The following BEGAIN variants were observed in gnomAD, a reference collection of about 807,000 sequenced individuals.
The protein encoded by BEGAIN is brain enriched guanylate kinase associated, also known as brain-enriched guanylate kinase-associated protein.
In BEGAIN, 19 loss-of-function variants were observed where a neutral mutation model predicts 35.8. The observed-to-expected ratio is 0.53, with a 90% CI of 0.37 to 0.78. The LOEUF is 0.78. BEGAIN is among the 30% of genes least tolerant of loss of function. BEGAIN has a pLI of 0.00. For synonymous variants in BEGAIN, 462 were observed against 388.6 expected (o/e 1.19, Z -2.22); for missense variants, 795 against 853.6 (o/e 0.93, Z 0.85).
chr14:100,554,111 G>A (rs1016514762), intron 2 of BEGAIN, among the ~76,000 whole-genome samples: 4 of 152,216 alleles, frequency 2.6e-5, no homozygotes, highest in African/African-American at 9.6e-5. Context: ...ACGGTCACAT[G>A]AGCTCCAGGG....
At chr14:100,549,542 G>T (rs1197779461) in intron 2 of BEGAIN, 1 of 152,306 alleles carries the variant, frequency 6.6e-6, no homozygotes, top group Non-Finnish European at 1.5e-5. Flanking sequence ...TGTACCTAGG[G>T]TCTGCGGTCA....
intron 1 of BEGAIN, among the ~76,000 whole-genome samples, chr14:100,572,683 C>T (rs1455461857): frequency 3.3e-5 from 5 of 152,142 alleles, no homozygotes; most frequent in African/African-American, 1.2e-4. Flanking sequence ...GGCTCTCAAC[C>T]TCTCTGACCC....
chr14:100,539,215 G>C lies in BEGAIN; in HGVS notation c.593C>G (p.Pro198Arg), dbSNP rs768598434. Residue 198 changes from proline (P) to arginine (R), a missense_variant, in exon 7 of 7, where the codon CCC becomes CGC. Pro to Arg is a moderately radical substitution (Grantham distance 103). Transcript: ENST00000554140. Reference protein sequence around the residue: ...LCHPAYADSVPTCVIAKVLEK... With the variant: ...LCHPAYADSVRTCVIAKVLEK... ...CAGCACCTTGGCAATGACGCAGGTG[G>C]GGACGCTGTCGGCGTAGGCCGGGTG... 1.9e-6 allele frequency: 3 copies of C among 1,587,020 alleles called. No individual in the cohort carries two copies. The highest frequency in any genetic ancestry group is 2.2e-5 in the East Asian group (1 of 44,550).
Position 100,538,794 on chromosome 14 carries a change from G to C in BEGAIN, c.1014C>G (p.Thr338=). 1.3e-6 allele frequency: 2 copies of C among 1,598,324 alleles called. No individual in the cohort carries two copies. The highest frequency in any genetic ancestry group is 2.3e-5 in the East Asian group (1 of 44,168). The change falls in exon 7 of 7, where the codon ACC becomes ACG. Residue 338 remains threonine, a synonymous_variant. Transcript: ENST00000554140. ...TCAGGTAGATGGCCTGCTGCGACGC[G>C]GTCAGCGTGCTGGCCTGCGCGTGCT... is the stretch of plus-strand genomic sequence containing the variant. ...EKEHAQASTL[T]ASQQAIYLNS... is the part of the protein sequence containing the mutation.
intron 2 of BEGAIN, among the ~76,000 whole-genome samples, chr14:100,561,342 A>G (rs1373505746): frequency 6.6e-6 from 1 of 152,162 alleles, no homozygotes; most frequent in African/African-American, 2.4e-5. Flanking sequence ...GGCCCAGCTC[A>G]CAAGCCAGGT....
At chr14:100,550,606 T>G (rs1015829612) in intron 2 of BEGAIN, 9 of 398,158 alleles carry the variant, frequency 2.3e-5, no homozygotes, top group Non-Finnish European at 3.5e-5. Context: ...CCACAGCCCC[T>G]TGGCTGAGAC....
chr14:100,545,535 G>A, intron 3 of BEGAIN: 1 of 681,464 alleles, frequency 1.5e-6, no homozygotes, highest in Non-Finnish European at 1.8e-6. Flanking sequence ...CTGCCGGGTA[G>A]GAGGAGTGGA....
intron 1 of BEGAIN, among the ~76,000 whole-genome samples, chr14:100,570,548 T>C (rs956379363): frequency 1.3e-5 from 2 of 152,238 alleles, no homozygotes; most frequent in South Asian, 2.1e-4. Context: ...CCACACCAGA[T>C]GGGACAGGAC....
At chr14:100,577,978 G>A in intron 1 of BEGAIN, 1 of 399,250 alleles carries the variant, frequency 2.5e-6, no homozygotes. Context: ...CAAGGTCCGG[G>A]CTCCCCAAGA....
In BEGAIN at chr14:100,543,984, G is replaced by C; in HGVS notation, c.301-19C>G. On this transcript the variant is annotated intron_variant, in intron 4 of 6. Transcript: ENST00000554140. ...GCTGGCCCTGGGGGTGGGACAGTGGGAGGAGGAGGCCCGTGGTTGGCTCCT... is the reference window on the plus strand; with the variant it reads ...GCTGGCCCTGGGGGTGGGACAGTGGCAGGAGGAGGCCCGTGGTTGGCTCCT... 1.9e-6 allele frequency: 3 copies of C among 1,586,790 alleles called. No homozygotes were observed. Among genetic ancestry groups the C allele is most frequent in the Non-Finnish European group, 2.6e-6 (3 of 1,164,504 alleles).
chr14:100,560,860 G>A (rs943897282), intron 2 of BEGAIN, among the ~76,000 whole-genome samples: 16 of 152,160 alleles, frequency 1.1e-4, no homozygotes, highest in African/African-American at 3.6e-4. Context: ...GGACAGACAC[G>A]AGCTGCCCTC....
Position 100,586,865 on chromosome 14 carries a change from G to C in BEGAIN, c.42+384C>G, listed in dbSNP as rs901314316. On this transcript the variant is annotated intron_variant, in intron 1 of 6. Transcript: ENST00000554140. This position sits in a 1 kb window ranked among gnomAD's most constrained non-coding sequence, Gnocchi z 4.9. ...CCCAGACGCAGGCGGGTCCAGGCCTGCCCGCACCCTCGCCACCCGCCCGGG... is the reference window on the plus strand; with the variant it reads ...CCCAGACGCAGGCGGGTCCAGGCCTCCCCGCACCCTCGCCACCCGCCCGGG... 2.0e-5 allele frequency among the ~76,000 whole-genome samples: 3 copies of C among 152,070 alleles called. No individual in the cohort carries two copies. The highest frequency in any genetic ancestry group is 4.4e-5 in the Non-Finnish European group (3 of 67,988).
chr14:100,543,030 G>A (rs1245704324), intron 5 of BEGAIN, among the ~76,000 whole-genome samples: 1 of 152,180 alleles, frequency 6.6e-6, no homozygotes, highest in African/African-American at 2.4e-5. Flanking sequence ...GATCCTCCGA[G>A]TTAACCAGGT....
intron 2 of BEGAIN, chr14:100,548,773 G>C (rs1274270289): frequency 6.6e-6 from 1 of 152,144 alleles, no homozygotes; most frequent in African/African-American, 2.4e-5. Context: ...AGGTGTGGGA[G>C]GGGAGGACGA....
In BEGAIN at chr14:100,568,345, T is replaced by G; in HGVS notation, c.43-406A>C. The stretch of plus-strand genomic sequence containing the variant: ...CCCGTTAACCCTTCCTGCCCCGCGC[T>G]CCCTCCCGGAGGAAGCCGAACCCCG... On this transcript the variant is annotated intron_variant, in intron 1 of 6. Transcript: ENST00000554140. This position sits in a 1 kb window ranked among gnomAD's most constrained non-coding sequence, Gnocchi z 7.5. The G allele has an allele frequency of 2.0e-5, 12 of 609,190 alleles. No homozygotes were observed. Among genetic ancestry groups the G allele is most frequent in the Non-Finnish European group, 2.7e-5 (12 of 445,860 alleles). 37.7% of individuals were successfully genotyped at this position (609,190 alleles called of 1,614,324 possible). A position where few individuals can be genotyped will look rare whatever the true frequency, so the allele number is the denominator to read the frequency against.
At position 100,568,745 on chromosome 14, in the gene BEGAIN, G is replaced by A. The variant is rs1378457340; in HGVS notation, c.43-806C>T. On this transcript the variant is annotated intron_variant, in intron 1 of 6. Coordinates refer to ENST00000554140, the MANE Select transcript of BEGAIN (RefSeq NM_001385089.1). The surrounding 1 kb of genome is among the most constrained non-coding windows in gnomAD (Gnocchi z 7.5). ...GAGCGACGGGGACCGCGAGCGGCCC[G>A]GGCGGGATCGCACTTCCTGCGTGGA... is the stretch of plus-strand genomic sequence containing the variant. Among the ~76,000 whole-genome samples the A allele has an allele frequency of 6.6e-6, 1 of 151,790 alleles. No individual in the cohort carries two copies. Among genetic ancestry groups the A allele is most frequent in the East Asian group, 1.9e-4 (1 of 5,150 alleles).
At position 100,568,967 on chromosome 14, in the gene BEGAIN, G is replaced by A. The variant is rs1393123483; in HGVS notation, c.43-1028C>T. 4.0e-5 allele frequency: 39 copies of A among 983,030 alleles called. No individual in the cohort carries two copies. Among genetic ancestry groups the A allele is most frequent in the Admixed American group, 6.2e-5 (1 of 16,094 alleles). The allele number at this position is 983,030 out of a possible 1,614,324, so 60.9% of individuals were successfully genotyped here. ...CGCCGCCGCCGCGTCCGCCGGGAGC[G>A]CGCTCCGCTCGGGTCCGGGCCCCAC... On this transcript the variant is annotated intron_variant, in intron 1 of 6. Transcript: ENST00000554140. This position sits in a 1 kb window ranked among gnomAD's most constrained non-coding sequence, Gnocchi z 7.5.
intron 1 of BEGAIN, among the ~76,000 whole-genome samples, chr14:100,585,934 G>T (rs2035435565): frequency 1.3e-5 from 2 of 152,266 alleles, no homozygotes; most frequent in Non-Finnish European, 2.9e-5. Context: ...AGCCGCATCT[G>T]CCACAGTGCT....
chr14:100,540,383 G>T, intron 6 of BEGAIN, 113 bp downstream of exon 6: 1 of 835,388 alleles, frequency 1.2e-6, no homozygotes, highest in Non-Finnish European at 1.9e-6. Flanking sequence ...GGAGGCTCAG[G>T]CTCAGCTGGC....
Sources: gnomAD v4.1 joint callset for allele counts (sites outside exome capture counted in the v4.1 genomes callset) on GRCh38, gnomAD v4.1.1 for gene constraint, Gnocchi (gnomAD v3.1) non-coding constraint, MANE v1.5 for transcripts, NCBI Gene and HGNC (gene_info 2026-07-23, HGNC 2026-07-21) for gene names.